Variants in SPMIP2 observed in about 807,000 individuals in gnomAD.
SPMIP2 encodes the protein sperm microtubule inner protein 2, also known as protein SPMIP2.
chr4:158,977,389 T>C, the SPMIP2 span, among the ~76,000 whole-genome samples: 1 of 152,204 alleles, frequency 6.6e-6, no homozygotes, highest in African/African-American at 2.4e-5. Flanking sequence ...ATAGAGGTGT[T>C]TACAGTATTC....
At chr4:158,944,717 A>G in the SPMIP2 span, among the ~76,000 whole-genome samples, 7 of 152,146 alleles carry the variant, frequency 4.6e-5, no homozygotes, top group Admixed American at 2.6e-4. Flanking sequence ...TTATTCACTC[A>G]AACTAGAAAA....
At chr4:158,991,708 A>G in the SPMIP2 span, among the ~76,000 whole-genome samples, 5 of 152,172 alleles carry the variant, frequency 3.3e-5, no homozygotes, top group Non-Finnish European at 5.9e-5. Flanking sequence ...CAGAGCATGA[A>G]AACCTGTTTT....
the SPMIP2 span, among the ~76,000 whole-genome samples, chr4:159,048,364 A>C: frequency 2.0e-5 from 3 of 152,112 alleles, no homozygotes; most frequent in Non-Finnish European, 4.4e-5. Flanking sequence ...TGCTGCTCTC[A>C]CGGCGCATGT....
At chr4:159,011,951 G>A in the SPMIP2 span, among the ~76,000 whole-genome samples, 1 of 151,478 alleles carries the variant, frequency 6.6e-6, no homozygotes, top group African/African-American at 2.4e-5. Context: ...TAATACTTAG[G>A]AGGCTGAGGC....
the SPMIP2 span, chr4:159,038,468 A>G: frequency 6.6e-6 from 1 of 152,158 alleles, no homozygotes; most frequent in Non-Finnish European, 1.5e-5. Context: ...CTCTTTTTCT[A>G]TCAAGTTGTT....
At chr4:159,023,955 C>G in the SPMIP2 span, among the ~76,000 whole-genome samples, 1 of 152,148 alleles carries the variant, frequency 6.6e-6, no homozygotes, top group Non-Finnish European at 1.5e-5. Context: ...CTTTTCAGAG[C>G]TACAGTTAGG....
the SPMIP2 span, among the ~76,000 whole-genome samples, chr4:159,056,565 G>A: frequency 6.6e-6 from 1 of 152,162 alleles, no homozygotes; most frequent in Non-Finnish European, 1.5e-5. Context: ...TCGAGGCATG[G>A]ACTTCATTTC....
chr4:158,935,694 GA>G, the SPMIP2 span, among the ~76,000 whole-genome samples: 1 of 152,238 alleles, frequency 6.6e-6, no homozygotes, highest in Non-Finnish European at 1.5e-5. Flanking sequence ...GGTTATTTGA[GA>G]AATGACCAAG....
the SPMIP2 span, among the ~76,000 whole-genome samples, chr4:159,077,505 T>C: frequency 6.6e-6 from 1 of 152,220 alleles, no homozygotes; most frequent in Non-Finnish European, 1.5e-5. Context: ...AAGGTTAGCT[T>C]CTTTGGTTTC....
chr4:159,070,175 A>G, the SPMIP2 span, among the ~76,000 whole-genome samples: 1 of 152,152 alleles, frequency 6.6e-6, no homozygotes, highest in African/African-American at 2.4e-5. Context: ...AATGTGCCAA[A>G]ACTGTAAGAG....
the SPMIP2 span, among the ~76,000 whole-genome samples, chr4:158,955,640 A>T: frequency 6.6e-6 from 1 of 152,204 alleles, no homozygotes; most frequent in Non-Finnish European, 1.5e-5. Context: ...TCCTGACCTC[A>T]GGTGATCTGC....
chr4:159,021,973 T>C, the SPMIP2 span, among the ~76,000 whole-genome samples: 4 of 152,242 alleles, frequency 2.6e-5, no homozygotes, highest in African/African-American at 9.6e-5. Context: ...AGTTCCTTGG[T>C]ATGATCTGGA....
At chr4:159,080,143 C>A in the SPMIP2 span, among the ~76,000 whole-genome samples, 1 of 152,092 alleles carries the variant, frequency 6.6e-6, no homozygotes, top group Non-Finnish European at 1.5e-5. Context: ...CTTTTTCTCT[C>A]GCCTCTAGAA....
the SPMIP2 span, among the ~76,000 whole-genome samples, chr4:159,073,896 CG>C: frequency 6.6e-6 from 1 of 152,022 alleles, no homozygotes. Flanking sequence ...CCCAGCTACT[CG>C]GGGGGCTAAG....
At chr4:159,033,866 G>T in the SPMIP2 span, among the ~76,000 whole-genome samples, 1 of 152,162 alleles carries the variant, frequency 6.6e-6, no homozygotes, top group African/African-American at 2.4e-5. Flanking sequence ...AAAAAGGCCA[G>T]GTTCACGCCT....
At chr4:158,973,143 C>T in the SPMIP2 span, 1 of 1,612,456 alleles carries the variant, frequency 6.2e-7, no homozygotes, top group Non-Finnish European at 8.5e-7. Context: ...TATTCTCCAA[C>T]CAATTTCACT....
At chr4:158,893,618 T>C in the SPMIP2 span, 6 of 1,225,562 alleles carry the variant, frequency 4.9e-6, no homozygotes, top group Non-Finnish European at 7.0e-6. Flanking sequence ...GAAGCACTTG[T>C]GGATTATTAT....
chr4:158,963,234 T>C, the SPMIP2 span, among the ~76,000 whole-genome samples: 2 of 152,132 alleles, frequency 1.3e-5, no homozygotes, highest in Non-Finnish European at 2.9e-5. Context: ...CATGTCTCTA[T>C]CCATTTAATA....
At chr4:159,016,006 G>C in the SPMIP2 span, among the ~76,000 whole-genome samples, 1 of 152,244 alleles carries the variant, frequency 6.6e-6, no homozygotes, top group Non-Finnish European at 1.5e-5. Context: ...ATTCAGAGAA[G>C]GGTGTGGTCA....
Sources: allele counts gnomAD v4.1 joint callset (sites outside exome capture counted in the v4.1 genomes callset), GRCh38; gene constraint gnomAD v4.1.1; transcripts MANE v1.5; gene names NCBI Gene and HGNC (gene_info 2026-07-23, HGNC 2026-07-21).